Variants in LAMB4 observed in about 807,000 individuals in gnomAD.
The protein encoded by LAMB4 is laminin subunit beta 4.
LAMB4 carries 196 observed loss-of-function variants against 199.2 expected under a neutral mutation model. The observed-to-expected ratio is 0.98, with a 90% CI of 0.88 to 1.11. The LOEUF (loss-of-function observed/expected upper bound fraction) is 1.11, where lower values mean the gene tolerates loss of function less well. Among genes scored for constraint, LAMB4 ranks in the 50% least tolerant of loss-of-function variants. The pLI is 0.00. For missense variants in LAMB4, 2,080 were observed against 2,171.2 expected (o/e 0.96, Z 0.83); for synonymous variants, 744 against 770.6 (o/e 0.97, Z 0.57).
chr7:108,096,852 C>T (rs1244317728), intron 11 of LAMB4, among the ~76,000 whole-genome samples: 1 of 136,656 alleles, frequency 7.3e-6, no homozygotes, highest in Admixed American at 8.0e-5. Flanking sequence ...GAGAAAATTG[C>T]TTGAGTCCAG....
intron 11 of LAMB4, among the ~76,000 whole-genome samples, chr7:108,097,325 G>A (rs2037645749): frequency 6.6e-6 from 1 of 152,180 alleles, no homozygotes; most frequent in Non-Finnish European, 1.5e-5. Flanking sequence ...AAATTTCTGT[G>A]ATCCTATAGC....
chr7:108,047,546 CT>C (rs2035669826), intron 28 of LAMB4, among the ~76,000 whole-genome samples: 1 of 151,888 alleles, frequency 6.6e-6, no homozygotes. Context: ...TGTTAATTGA[CT>C]GTTTAAGTTA....
intron 16 of LAMB4, 132 bp from the exon 17 acceptor site, chr7:108,077,196 G>C (rs2036735719): frequency 1.2e-6 from 1 of 828,132 alleles, no homozygotes; most frequent in Non-Finnish European, 1.9e-6. Flanking sequence ...GGCCAGTGTA[G>C]GTCTAGACCA....
At chr7:108,106,845 A>C (rs2038035841) in intron 6 of LAMB4, among the ~76,000 whole-genome samples, 1 of 152,022 alleles carries the variant, frequency 6.6e-6, no homozygotes, top group South Asian at 2.1e-4. Flanking sequence ...GGAATTACAG[A>C]TGTGAGCCAT....
chr7:108,029,248 T>C, intron 32 of LAMB4, 52 bp from the exon 33 acceptor site: 7 of 1,498,640 alleles, frequency 4.7e-6, no homozygotes, highest in Admixed American at 1.9e-5. Context: ...AGCATGTACA[T>C]ATATGCATGA....
chr7:108,092,315 C>T, intron 13 of LAMB4, 22 bp downstream of exon 13: 2 of 1,572,040 alleles, frequency 1.3e-6, no homozygotes, highest in South Asian at 1.1e-5. Context: ...AGGAATATTG[C>T]TATAAAACTT....
intron 27 of LAMB4, among the ~76,000 whole-genome samples, chr7:108,048,713 A>C (rs1231001745): frequency 1.5e-5 from 2 of 129,382 alleles, no homozygotes; most frequent in African/African-American, 1.0e-4. Context: ...TTATTTATTG[A>C]GATGAGTCTC....
downstream of LAMB4, among the ~76,000 whole-genome samples, chr7:108,018,766 C>T (rs2034634137): frequency 6.6e-6 from 1 of 152,156 alleles, no homozygotes; most frequent in South Asian, 2.1e-4. Context: ...AGTTGTCACC[C>T]TCTCGCTTTA....
intron 24 of LAMB4, among the ~76,000 whole-genome samples, chr7:108,057,500 C>A (rs2036020307): frequency 6.6e-6 from 1 of 152,162 alleles, no homozygotes. Flanking sequence ...CTATGTATGG[C>A]TGACCATGGT....
At chr7:108,129,060 C>T in intron 1 of LAMB4, among the ~76,000 whole-genome samples, 1 of 152,276 alleles carries the variant, frequency 6.6e-6, no homozygotes, top group African/African-American at 2.4e-5. Flanking sequence ...TCTGGCATTG[C>T]TAATTTATTT....
intron 2 of LAMB4, among the ~76,000 whole-genome samples, chr7:108,118,301 G>A (rs564832245): frequency 6.6e-6 from 1 of 152,152 alleles, no homozygotes; most frequent in East Asian, 1.9e-4. Context: ...AGATGGAAGG[G>A]CAGAGGACCT....
chr7:108,037,484 T>A lies in LAMB4; in HGVS notation c.4583A>T (p.His1528Leu), dbSNP rs778075178. The change falls in exon 30 of 34, where the codon CAT becomes CTT. Residue 1528 changes from histidine (H) to leucine (L), a missense_variant. Coordinates refer to ENST00000388781, the MANE Select transcript of LAMB4 (RefSeq NM_007356.3). ...LTDELVKIQK[H>L]MQLCEDYRTD... ...CCTGTAATCCTCACAGAGTTGCATA[T>A]GTTTCTGTATTTTGACAAGTTCATC... is the stretch of plus-strand genomic sequence containing the variant. The A allele has an allele frequency of 6.8e-6, 11 of 1,614,108 alleles. No individual in the cohort carries two copies. The highest frequency in any genetic ancestry group is 8.5e-6 in the Non-Finnish European group (10 of 1,179,944).
At chr7:108,014,641 T>C in the LAMB4 span, among the ~76,000 whole-genome samples, 1 of 152,182 alleles carries the variant, frequency 6.6e-6, no homozygotes, top group African/African-American at 2.4e-5. Context: ...GAATGTATGA[T>C]TGCTGTATAG....
intron 17 of LAMB4, 66 bp from the exon 18 acceptor site, chr7:108,069,951 TA>T: frequency 1.5e-5 from 19 of 1,303,610 alleles, no homozygotes; most frequent in Non-Finnish European, 1.8e-5. Context: ...TACTTACATA[TA>T]AAAAAATTAG....
At chr7:108,027,202 A>C (rs1045769308) in intron 33 of LAMB4, among the ~76,000 whole-genome samples, 4 of 152,188 alleles carry the variant, frequency 2.6e-5, no homozygotes, top group Non-Finnish European at 5.9e-5. Context: ...GAGGGTGAGC[A>C]GTCTCCATCT....
chr7:108,055,117 A>G (rs1444781843), intron 25 of LAMB4, among the ~76,000 whole-genome samples: 2 of 152,006 alleles, frequency 1.3e-5, no homozygotes, highest in African/African-American at 4.8e-5. Flanking sequence ...GTTACAATCA[A>G]TGGCATCTGG....
rs775577171 is a variant in LAMB4, at chr7:108,079,731, A to G, written c.1757T>C (p.Val586Ala). 3 of 1,610,586 alleles carry G rather than the reference A, an allele frequency of 1.9e-6. No individual in the cohort carries two copies. The highest frequency in any genetic ancestry group is 1.1e-5 in the South Asian group (1 of 90,042). ...AGTCCATGTAACAGGGTTCCCAGGA[A>G]CTGGCTCTCCTAAAACAACGTGAAC... Reference protein sequence around the residue: ...PAVHVVLGEPVPGNPVTWTGP... With the variant: ...PAVHVVLGEPAPGNPVTWTGP... The change falls in exon 15 of 34, where the codon GTT (valine) becomes GCT (alanine). Residue 586 changes from valine to alanine, a missense_variant. Transcript: ENST00000388781.
intron 17 of LAMB4, 54 bp downstream of exon 17, chr7:108,076,890 T>C: frequency 6.3e-7 from 1 of 1,589,518 alleles, no homozygotes; most frequent in Non-Finnish European, 8.6e-7. Flanking sequence ...TTAAAAGTAG[T>C]TATAACGGTG....
intron 24 of LAMB4, among the ~76,000 whole-genome samples, chr7:108,057,107 G>A (rs1198861712): frequency 6.6e-6 from 1 of 152,088 alleles, no homozygotes; most frequent in Non-Finnish European, 1.5e-5. Context: ...GAGGGGTGGT[G>A]TCATGTCACT....
Sources: allele counts gnomAD v4.1 joint callset (sites outside exome capture counted in the v4.1 genomes callset), GRCh38; gene constraint gnomAD v4.1.1; transcripts MANE v1.5; gene names NCBI Gene and HGNC (gene_info 2026-07-23, HGNC 2026-07-21).